Variants in SNX29 observed in about 807,000 individuals in gnomAD.
SNX29 encodes sorting nexin 29.
A neutral mutation model predicts 102.1 loss-of-function variants in SNX29; 78 were observed. That is an observed-to-expected ratio of 0.76 (90% CI 0.64 to 0.92). The LOEUF is 0.92. Ranked by LOEUF, SNX29 falls within the 40% of genes least tolerant of loss-of-function variation. The pLI, the probability that SNX29 is intolerant of heterozygous loss-of-function variation, is 0.00. For missense variants in SNX29, 1,280 were observed against 1,061.7 expected, an observed-to-expected ratio of 1.21 and a Z score of -2.86; for synonymous variants, 580 against 414.5, an observed-to-expected ratio of 1.40 and a Z score of -4.85.
intron 18 of SNX29, among the ~76,000 whole-genome samples, chr16:12,457,355 A>C (rs1470370262): frequency 6.6e-6 from 1 of 152,204 alleles, no homozygotes; most frequent in Non-Finnish European, 1.5e-5. Context: ...TAATTGAGGC[A>C]GCAGTTCCCA....
chr16:12,558,226 C>T (rs556805622), intron 20 of SNX29, among the ~76,000 whole-genome samples: 42 of 19,150 alleles, frequency 2.2e-3, no homozygotes, highest in African/African-American at 9.1e-3. Context: ...CAGAGCCTCT[C>T]TTCAGCCCCC....
intron 13 of SNX29, among the ~76,000 whole-genome samples, chr16:12,187,545 T>A (rs2076541184): frequency 1.3e-5 from 2 of 151,134 alleles, no homozygotes; most frequent in South Asian, 4.2e-4. Context: ...GAGACTCTGT[T>A]TAAAAAAAAA....
chr16:12,001,195 T>G (rs1031704948), intron 2 of SNX29, among the ~76,000 whole-genome samples: 4 of 152,074 alleles, frequency 2.6e-5, no homozygotes, highest in African/African-American at 9.7e-5. Flanking sequence ...CACTGCAACC[T>G]CTGTCTCCTG....
chr16:12,570,878 A>G lies in SNX29; in HGVS notation c.*2249A>G, dbSNP rs1167983546. On this transcript the variant is annotated 3_prime_UTR_variant, in exon 21 of 21. Coordinates refer to ENST00000566228, the MANE Select transcript of SNX29 (RefSeq NM_032167.5). ...GGAGAAACTGCCTCCTACTTTTATAATACTGAATTATTCACAAAAAACCTG... is the reference window on the plus strand; with the variant it reads ...GGAGAAACTGCCTCCTACTTTTATAGTACTGAATTATTCACAAAAAACCTG... 1 of 231,540 alleles carries G rather than the reference A, an allele frequency of 4.3e-6. No homozygotes were observed. The allele number at this position is 231,540 out of a possible 1,614,324, so 14.3% of individuals were successfully genotyped here.
intron 9 of SNX29, among the ~76,000 whole-genome samples, chr16:12,067,634 T>G (rs751051635): frequency 1.3e-5 from 2 of 152,194 alleles, no homozygotes; most frequent in African/African-American, 2.4e-5. Context: ...ATTACAGGCG[T>G]GCACTACCTC....
At chr16:12,375,135 C>T (rs1173365164) in intron 16 of SNX29, 1 of 152,052 alleles carries the variant, frequency 6.6e-6, no homozygotes, top group Admixed American at 6.5e-5. Context: ...CCTGGTGGTG[C>T]TTTGTGATGC....
intron 20 of SNX29, among the ~76,000 whole-genome samples, chr16:12,529,820 T>A (rs759112752): frequency 6.6e-6 from 1 of 152,146 alleles, no homozygotes; most frequent in Non-Finnish European, 1.5e-5. Context: ...CTGCCAGGGG[T>A]CACTTGAACC....
At chr16:12,554,385 C>CG (rs2078190430) in intron 20 of SNX29, among the ~76,000 whole-genome samples, 1 of 92,998 alleles carries the variant, frequency 1.1e-5, no homozygotes, top group African/African-American at 8.4e-5. Flanking sequence ...TTTCTGTGCC[C>CG]CGTGCATGGG....
At chr16:12,516,453 C>G (rs1290807143) in intron 19 of SNX29, among the ~76,000 whole-genome samples, 1 of 132,320 alleles carries the variant, frequency 7.6e-6, no homozygotes, top group Non-Finnish European at 1.6e-5. Flanking sequence ...GCACTTCAGT[C>G]TTGGCAACAG....
chr16:12,378,179 G>T (rs1180299262), intron 16 of SNX29, among the ~76,000 whole-genome samples: 1 of 152,174 alleles, frequency 6.6e-6, no homozygotes, highest in Non-Finnish European at 1.5e-5. Flanking sequence ...AGTTTTATTT[G>T]GCTCACGATT....
At chr16:12,367,967 G>GAAAAGC (rs2082545953) in intron 16 of SNX29, among the ~76,000 whole-genome samples, 1 of 152,260 alleles carries the variant, frequency 6.6e-6, no homozygotes, top group Admixed American at 6.5e-5. Context: ...ATCGAGAGAA[G>GAAAAGC]AAAAGCATCT....
Position 12,524,703 on chromosome 16 carries a change from A to C in SNX29, c.2180A>C (p.Asp727Ala), listed in dbSNP as rs1426349275. ...CGAAGATGTTTTGTGTTTCCTCAGGATGCCAAGTTTGTGGAGGAACGGAGA... is the reference window on the plus strand; with the variant it reads ...CGAAGATGTTTTGTGTTTCCTCAGGCTGCCAAGTTTGTGGAGGAACGGAGA... Reference protein sequence around the residue: ...FPPKKAIGNKDAKFVEERRKQ... With the variant: ...FPPKKAIGNKAAKFVEERRKQ... Residue 727 changes from aspartate (D) to alanine (A), a missense_variant and splice_region_variant, in exon 20 of 21, where the codon GAT becomes GCT. By Grantham distance (126) the Asp-to-Ala change is moderately radical. Transcript: ENST00000566228. The C allele has an allele frequency of 1.4e-5, 22 of 1,613,102 alleles. No homozygotes were observed. Among genetic ancestry groups the C allele is most frequent in the Non-Finnish European group, 1.8e-5 (21 of 1,179,476 alleles).
At chr16:12,467,615 C>CGTTCGTTTGTTCGTTCGTTT (rs879621612) in intron 18 of SNX29, among the ~76,000 whole-genome samples, 1 of 140,046 alleles carries the variant, frequency 7.1e-6, no homozygotes, top group African/African-American at 2.8e-5. Context: ...TTCGTTTGTT[C>CGTTCGTTTGTTCGTTCGTTT]GTTCGTTAGT....
intron 16 of SNX29, among the ~76,000 whole-genome samples, chr16:12,391,933 C>G (rs897460067): frequency 2.0e-5 from 3 of 152,192 alleles, no homozygotes; most frequent in Admixed American, 6.5e-5. Flanking sequence ...TGGTAAAAAT[C>G]TACAAGGTGT....
Position 12,371,695 on chromosome 16 carries a change from C to T in SNX29, c.1899+15416C>T, listed in dbSNP as rs530491926. ...TATGCCAGCCTGAGTGTGTGGGCCTCCTGTGGGAATCGCCACACTGTCCTG... is the reference window on the plus strand; with the variant it reads ...TATGCCAGCCTGAGTGTGTGGGCCTTCTGTGGGAATCGCCACACTGTCCTG... On this transcript the variant is annotated intron_variant, in intron 16 of 20. Transcript: ENST00000566228. Among the ~76,000 whole-genome samples the T allele has an allele frequency of 2.0e-5, 3 of 152,216 alleles. No homozygotes were observed. In the South Asian group the frequency reaches 6.2e-4, roughly 32 times the overall value.
chr16:12,259,471 GCCT>G (rs1311889139), intron 14 of SNX29, among the ~76,000 whole-genome samples: 1 of 152,110 alleles, frequency 6.6e-6, no homozygotes, highest in Non-Finnish European at 1.5e-5. Context: ...ATGTTTCTCT[GCCT>G]CCTCCAGCCC....
Position 12,517,576 on chromosome 16 carries a change from A to G in SNX29, c.2179-7126A>G, listed in dbSNP as rs28576847. Among the ~76,000 whole-genome samples, 579 of 152,206 alleles carry G rather than the reference A, an allele frequency of 3.8e-3. 8 individuals carry two copies. Among genetic ancestry groups the G allele is most frequent in the African/African-American group, 0.013 (545 of 41,524 alleles). On this transcript the variant is annotated intron_variant, in intron 19 of 20. Transcript: ENST00000566228. ...CCTGGCCTTCCCTAATTTTATCCCAACAGGTATTTGTTCTCTCAACAAATG... is the reference window on the plus strand; with the variant it reads ...CCTGGCCTTCCCTAATTTTATCCCAGCAGGTATTTGTTCTCTCAACAAATG...
intron 20 of SNX29, among the ~76,000 whole-genome samples, chr16:12,534,992 G>C (rs1444485366): frequency 6.6e-6 from 1 of 152,284 alleles, no homozygotes; most frequent in East Asian, 1.9e-4. Context: ...TGTGAAGGTT[G>C]AGAAGCCCAG....
At chr16:12,076,795 C>G (rs2051596009) in intron 10 of SNX29, among the ~76,000 whole-genome samples, 1 of 152,176 alleles carries the variant, frequency 6.6e-6, no homozygotes, top group African/African-American at 2.4e-5. Flanking sequence ...AAACCTAGCT[C>G]TAGAGTGGAA....
Sources: allele counts gnomAD v4.1 joint callset (sites outside exome capture counted in the v4.1 genomes callset), GRCh38; gene constraint gnomAD v4.1.1; transcripts MANE v1.5; gene names NCBI Gene and HGNC (gene_info 2026-07-23, HGNC 2026-07-21).